PTBP3: variants seen among roughly 807,000 people sequenced by gnomAD.
PTBP3 encodes the protein polypyrimidine tract-binding protein 3.
Under a neutral mutation model 58.7 loss-of-function variants are expected in PTBP3, and 20 were observed. That is an observed-to-expected ratio of 0.34 (90% CI 0.24 to 0.50). PTBP3 has a LOEUF of 0.50. PTBP3 is among the 20% of genes least tolerant of loss of function. The pLI, the probability that PTBP3 is intolerant of heterozygous loss-of-function variation, is 0.98. For missense variants in PTBP3, 509 were observed against 637.2 expected, an observed-to-expected ratio of 0.80 and a Z score of 2.17; for synonymous variants, 185 against 219.8, an observed-to-expected ratio of 0.84 and a Z score of 1.40.
chr9:112,265,377 C>T (rs1836757533), intron 4 of PTBP3, among the ~76,000 whole-genome samples: 1 of 143,332 alleles, frequency 7.0e-6, no homozygotes, highest in South Asian at 2.2e-4. Context: ...GTGGCTAGCA[C>T]CTATACTCCC....
the PTBP3 span, among the ~76,000 whole-genome samples, chr9:112,350,487 T>C: frequency 6.6e-6 from 1 of 152,218 alleles, no homozygotes; most frequent in African/African-American, 2.4e-5. Flanking sequence ...ATCTTAACAT[T>C]AGTAGAGTAC....
chr9:112,356,874 CTTTTTTTT>C, the PTBP3 span, among the ~76,000 whole-genome samples: 7 of 91,528 alleles, frequency 7.6e-5, no homozygotes, highest in African/African-American at 8.8e-5. Flanking sequence ...TCATTTCCCT[CTTTTTTTT>C]TTTTTTTTTT....
At chr9:112,293,383 A>G (rs1257668576) in intron 2 of PTBP3, among the ~76,000 whole-genome samples, 1 of 152,260 alleles carries the variant, frequency 6.6e-6, no homozygotes, top group Non-Finnish European at 1.5e-5. Context: ...AGCAATGAAG[A>G]AATATTTTAT....
intron 1 of PTBP3, among the ~76,000 whole-genome samples, chr9:112,331,118 CACACACACG>C (rs1231620100): frequency 1.3e-5 from 2 of 150,936 alleles, no homozygotes; most frequent in Admixed American, 6.7e-5. Context: ...CACACACACA[CACACACACG>C]AGAGACAGTT....
the PTBP3 span, among the ~76,000 whole-genome samples, chr9:112,377,720 G>C: frequency 2.6e-5 from 4 of 152,120 alleles, no homozygotes; most frequent in African/African-American, 9.7e-5. Flanking sequence ...GCTGAGAAGG[G>C]GTGAAATGAG....
intron 7 of PTBP3, among the ~76,000 whole-genome samples, chr9:112,237,878 G>A (rs527894286): frequency 6.6e-6 from 1 of 152,274 alleles, no homozygotes; most frequent in African/African-American, 2.4e-5. Context: ...CCCCTGAAAA[G>A]TTCTAACCAA....
At position 112,228,461 on chromosome 9, in the gene PTBP3, C is replaced by T. The variant is rs1489636808; in HGVS notation, c.1066G>A (p.Asp356Asn). The T allele has an allele frequency of 6.3e-7, 1 of 1,596,026 alleles. No individual in the cohort carries two copies. The highest frequency in any genetic ancestry group is 8.5e-7 in the Non-Finnish European group (1 of 1,173,210). The change falls in exon 11 of 14, where the codon GAT becomes AAT. Residue 356 changes from aspartate (D) to asparagine (N), a missense_variant. Physicochemically the swap from Asp to Asn is conservative, Grantham distance 23 (BLOSUM62 1). This residue lies in a region of PTBP3 where 135 missense variants were observed against 229.0 expected (regional missense o/e 0.59). Transcript: ENST00000374257. Reference sequence around the variant, plus strand: ...AACATAATCTTCACTCGATGTACATCACCATAGACTCCTAATTAAAACAAA... The same window carrying T: ...AACATAATCTTCACTCGATGTACATTACCATAGACTCCTAATTAAAACAAA... ...GLFILFGVYG[D>N]VHRVKIMFNK...
chr9:112,323,389 T>C (rs771557779), intron 1 of PTBP3, among the ~76,000 whole-genome samples: 2 of 152,222 alleles, frequency 1.3e-5, no homozygotes, highest in Non-Finnish European at 2.9e-5. Flanking sequence ...CATTTCCTTC[T>C]GTCTCCTTGC....
In PTBP3 at chr9:112,252,699, T is replaced by A. The variant is rs1836179433; in HGVS notation, c.606A>T (p.Val202=). 1 of 1,607,270 alleles carries A rather than the reference T, an allele frequency of 6.2e-7. No homozygotes were observed. Among genetic ancestry groups the A allele is most frequent in the African/African-American group, 1.3e-5 (1 of 74,776 alleles). The stretch of plus-strand genomic sequence containing the variant: ...TTACCATTTTGGCATAATGTGCATT[T>A]ACTGGGTCAGCATACTGAAGCAAGG... ...FQALLQYADP[V]NAHYAKMALD... is the part of the protein sequence containing the mutation. The change falls in exon 6 of 14, where the codon GTA becomes GTT. Residue 202 remains valine, a synonymous_variant. Transcript: ENST00000374257.
intron 1 of PTBP3, among the ~76,000 whole-genome samples, chr9:112,325,829 C>G (rs4979101): frequency 0.85 from 129,078 of 152,098 alleles, 55,201 homozygotes; most frequent in African/African-American, 0.95. Context: ...ACCAGCCTGG[C>G]CAACATGGCG....
At chr9:112,252,846 T>C (rs995385854) in intron 5 of PTBP3, 58 bp from the exon 6 acceptor site, 3 of 969,278 alleles carry the variant, frequency 3.1e-6, no homozygotes, top group Non-Finnish European at 4.7e-6. Context: ...CTGATGTATC[T>C]TTATAAATAC....
the PTBP3 span, chr9:112,379,814 G>C: frequency 2.2e-6 from 1 of 461,894 alleles, no homozygotes; most frequent in Admixed American, 4.2e-5. Flanking sequence ...GGGAAAAGGT[G>C]GACGTAGCGG....
chr9:112,328,761 C>T (rs2132481159), intron 1 of PTBP3, among the ~76,000 whole-genome samples: 1 of 152,252 alleles, frequency 6.6e-6, no homozygotes, highest in Non-Finnish European at 1.5e-5. Context: ...CCACTGCACT[C>T]CAGCCTAGGT....
intron 1 of PTBP3, chr9:112,332,986 TA>T (rs1830439514): frequency 1.5e-6 from 2 of 1,316,800 alleles, no homozygotes; most frequent in African/African-American, 3.1e-5. Flanking sequence ...CCCAGACGTG[TA>T]CCGACGCGTG....
intron 1 of PTBP3, among the ~76,000 whole-genome samples, chr9:112,325,628 T>C (rs1212900709): frequency 6.8e-6 from 1 of 147,696 alleles, no homozygotes; most frequent in Non-Finnish European, 1.5e-5. Flanking sequence ...TACTGATATA[T>C]GCAAGAACAA....
chr9:112,312,651 T>C (rs1192492948), intron 1 of PTBP3, among the ~76,000 whole-genome samples: 1 of 151,888 alleles, frequency 6.6e-6, no homozygotes, highest in Non-Finnish European at 1.5e-5. Flanking sequence ...TTTGTACTCT[T>C]CTTATAATCT....
chr9:112,368,874 G>C, the PTBP3 span, among the ~76,000 whole-genome samples: 2 of 152,240 alleles, frequency 1.3e-5, no homozygotes, highest in African/African-American at 4.8e-5. Flanking sequence ...CTAGGAGAAA[G>C]AAATGGTTTC....
At chr9:112,255,762 T>C (rs574095362) in intron 5 of PTBP3, among the ~76,000 whole-genome samples, 1 of 152,288 alleles carries the variant, frequency 6.6e-6, no homozygotes, top group South Asian at 2.1e-4. Context: ...TCTCCAAATT[T>C]ACCAAGTGAT....
chr9:112,315,782 A>C (rs749949990), intron 1 of PTBP3, among the ~76,000 whole-genome samples: 1 of 152,238 alleles, frequency 6.6e-6, no homozygotes, highest in Non-Finnish European at 1.5e-5. Context: ...AAATTATTTC[A>C]AACAGAAGGG....
Sources: gnomAD v4.1 joint callset for allele counts (sites outside exome capture counted in the v4.1 genomes callset) on GRCh38, gnomAD v4.1.1 for gene constraint, gnomAD v4.1.1 regional missense constraint, MANE v1.5 for transcripts, NCBI Gene and HGNC (gene_info 2026-07-23, HGNC 2026-07-21) for gene names.